Variants in CLASP1 observed in about 807,000 individuals in gnomAD.
The protein encoded by CLASP1 is CLIP-associating protein 1.
In CLASP1, 38 loss-of-function variants were observed where a neutral mutation model predicts 192.3. The observed-to-expected ratio is 0.20, with a 90% confidence interval of 0.15 to 0.26. The LOEUF (loss-of-function observed/expected upper bound fraction) is 0.26. CLASP1 is among the 10% of genes least tolerant of loss of function. The probability of loss-of-function intolerance (pLI) is 1.00; values close to 1 mark genes in which losing one functional copy is unlikely to be tolerated. For missense variants in CLASP1, 1,433 were observed against 1,932.5 expected (o/e 0.74, Z 4.85); for synonymous variants, 691 against 712.8 (o/e 0.97, Z 0.49).
At chr2:121,633,028 A>ATATATATATATATATACATATATG (rs71398039) in intron 1 of CLASP1, among the ~76,000 whole-genome samples, 1 of 137,544 alleles carries the variant, frequency 7.3e-6, no homozygotes, top group Non-Finnish European at 1.5e-5. Context: ...ATATATATAT[A>ATATATATATATATATACATATATG]GGCTTTTTTT....
At chr2:121,441,283 C>G (rs1158250119) in intron 19 of CLASP1, among the ~76,000 whole-genome samples, 1 of 152,170 alleles carries the variant, frequency 6.6e-6, no homozygotes, top group Non-Finnish European at 1.5e-5. Flanking sequence ...CACACTGGGA[C>G]GTTTTGGCAT....
chr2:121,617,519 T>A (rs2066665185), intron 1 of CLASP1, among the ~76,000 whole-genome samples: 1 of 152,200 alleles, frequency 6.6e-6, no homozygotes, highest in Non-Finnish European at 1.5e-5. Context: ...TGGCTTCACT[T>A]GCTCACTCCA....
intron 2 of CLASP1, among the ~76,000 whole-genome samples, chr2:121,583,220 CCTA>C (rs1030997450): frequency 2.0e-5 from 3 of 152,154 alleles, no homozygotes; most frequent in Non-Finnish European, 4.4e-5. Flanking sequence ...GTACCTACCC[CCTA>C]CTATTAGTCC....
intron 9 of CLASP1, among the ~76,000 whole-genome samples, chr2:121,463,562 G>A (rs1250008085): frequency 1.3e-5 from 2 of 152,258 alleles, no homozygotes; most frequent in East Asian, 1.9e-4. Flanking sequence ...GAGCAGATAG[G>A]CCCTGAATGC....
At chr2:121,559,302 G>A (rs1370311227) in intron 2 of CLASP1, among the ~76,000 whole-genome samples, 11 of 152,076 alleles carry the variant, frequency 7.2e-5, no homozygotes, top group Admixed American at 7.2e-4. Context: ...TCCCCAAAAT[G>A]TTTAACATAA....
intron 39 of CLASP1, 23 bp downstream of exon 40, chr2:121,347,007 TGCGTATCA>T (rs1428411848): frequency 7.4e-7 from 1 of 1,342,880 alleles, no homozygotes; most frequent in Non-Finnish European, 1.0e-6. Flanking sequence ...AGCCCAGGTG[TGCGTATCA>T]GCCCAGGTAA....
chr2:121,525,328 T>C (rs966468738), intron 6 of CLASP1, among the ~76,000 whole-genome samples: 33 of 152,164 alleles, frequency 2.2e-4, no homozygotes, highest in African/African-American at 8.0e-4. Flanking sequence ...TACTTTTTGT[T>C]AATTTAGGTA....
At chr2:121,549,534 A>T (rs922184134) in intron 2 of CLASP1, among the ~76,000 whole-genome samples, 1 of 152,114 alleles carries the variant, frequency 6.6e-6, no homozygotes, top group African/African-American at 2.4e-5. Context: ...CAGATCATCA[A>T]GGCAGAAAAT....
intron 2 of CLASP1, among the ~76,000 whole-genome samples, chr2:121,573,810 T>A (rs1239703771): frequency 2.0e-5 from 3 of 152,146 alleles, no homozygotes; most frequent in African/African-American, 7.2e-5. Context: ...TATGATTACC[T>A]CAACTTTAAA....
intron 9 of CLASP1, among the ~76,000 whole-genome samples, chr2:121,465,553 C>T: frequency 6.6e-6 from 1 of 152,186 alleles, no homozygotes; most frequent in East Asian, 1.9e-4. Flanking sequence ...ATTCCATGCT[C>T]ATGGGTAGGA....
chr2:121,447,145 G>C (rs187195671), intron 19 of CLASP1, among the ~76,000 whole-genome samples, 192 bp downstream of exon 19: 2 of 152,354 alleles, frequency 1.3e-5, no homozygotes, highest in Admixed American at 1.3e-4. Flanking sequence ...AACGGATGAT[G>C]CATCGAAGAA....
intron 22 of CLASP1, among the ~76,000 whole-genome samples, chr2:121,424,275 T>C (rs2080023763): frequency 6.6e-6 from 1 of 152,218 alleles, no homozygotes; most frequent in African/African-American, 2.4e-5. Context: ...AGAATCTAAA[T>C]CTATCTCATG....
chr2:121,356,042 T>C (rs2065320962), intron 37 of CLASP1, among the ~76,000 whole-genome samples: 1 of 152,234 alleles, frequency 6.6e-6, no homozygotes, highest in Non-Finnish European at 1.5e-5. Context: ...CTTAAAGGTT[T>C]CTTTTAGCAC....
chr2:121,410,958 G>A, exon 24 of CLASP1: 2 of 1,600,070 alleles, frequency 1.2e-6, no homozygotes, highest in Non-Finnish European at 8.5e-7. Context: ...GGCTGGCCAA[G>A]CCCAAACCGA....
chr2:121,630,271 A>G (rs2069254739), intron 1 of CLASP1, among the ~76,000 whole-genome samples: 1 of 152,050 alleles, frequency 6.6e-6, no homozygotes, highest in South Asian at 2.1e-4. Flanking sequence ...AAATTCCAGA[A>G]AGTTGTTTTT....
chr2:121,640,920 T>C (rs1470336746), intron 1 of CLASP1, among the ~76,000 whole-genome samples: 1 of 152,174 alleles, frequency 6.6e-6, no homozygotes, highest in Non-Finnish European at 1.5e-5. Context: ...CTCATGGTAA[T>C]TGCTAGTGTG....
exon 2 of CLASP1, chr2:121,605,831 T>C (rs1165171711): frequency 4.3e-6 from 7 of 1,613,902 alleles, no homozygotes; most frequent in Non-Finnish European, 5.9e-6. Flanking sequence ...TTGGCCAACC[T>C]GCAATCGTTT....
At position 121,629,531 on chromosome 2, in the gene CLASP1, C is replaced by T. The variant is rs1278187247; in HGVS notation, c.-286+19841G>A. Among the ~76,000 whole-genome samples, 6 of 152,108 alleles carry T rather than the reference C, an allele frequency of 3.9e-5. No individual in the cohort carries two copies. The East Asian group carries it at 5.8e-4, about 15-fold the overall frequency. ...CTAGGCCGGGAGCGGTGGCTCACGC[C>T]GGTAATCCCAGCACTTTGGGAGGCC... On this transcript the variant is annotated intron_variant, in intron 1 of 39. Coordinates refer to ENST00000263710, the Ensembl canonical transcript of CLASP1.
At chr2:121,520,337 G>A (rs1188401934) in intron 6 of CLASP1, among the ~76,000 whole-genome samples, 1 of 152,190 alleles carries the variant, frequency 6.6e-6, no homozygotes, top group East Asian at 1.9e-4. Flanking sequence ...AAACTGATGA[G>A]ACCCTAAATC....
Sources: gnomAD v4.1 joint callset for allele counts (sites outside exome capture counted in the v4.1 genomes callset) on GRCh38, gnomAD v4.1.1 for gene constraint, MANE v1.5 for transcripts, NCBI Gene and HGNC (gene_info 2026-07-23, HGNC 2026-07-21) for gene names.